The following FAR2 variants were observed in gnomAD, a reference collection of about 807,000 sequenced individuals.
FAR2 encodes the protein fatty acyl-CoA reductase 2.
Under a neutral mutation model 56.0 loss-of-function variants are expected in FAR2, and 19 were observed. The ratio of observed to expected loss-of-function variants is 0.34; its 90% CI spans 0.24 to 0.50. The LOEUF is 0.50. FAR2 is among the 20% of genes least tolerant of loss of function. FAR2 has a pLI of 0.98. For missense variants in FAR2, 508 were observed against 642.2 expected, an observed-to-expected ratio of 0.79 and a Z score of 2.26; for synonymous variants, 219 against 218.8, an observed-to-expected ratio of 1.00 and a Z score of -0.01.
intron 10 of FAR2, among the ~76,000 whole-genome samples, chr12:29,327,583 C>T (rs1949669885): frequency 6.6e-6 from 1 of 152,118 alleles, no homozygotes; most frequent in South Asian, 2.1e-4. Context: ...AGAACAGAGC[C>T]CTCAGAAACA....
chr12:29,319,637 G>A (rs914017257), intron 9 of FAR2, among the ~76,000 whole-genome samples: 1 of 152,062 alleles, frequency 6.6e-6, no homozygotes, highest in African/African-American at 2.4e-5. Flanking sequence ...TATAATGCAG[G>A]GCTTAGGAAC....
intron 1 of FAR2, chr12:29,171,381 C>T (rs1358864761): frequency 6.6e-6 from 1 of 152,524 alleles, no homozygotes; most frequent in East Asian, 1.9e-4. Flanking sequence ...TTTAAAGTGT[C>T]CTTGCATGAG....
intron 1 of FAR2, among the ~76,000 whole-genome samples, chr12:29,185,123 C>A (rs962808861): frequency 5.9e-5 from 9 of 152,228 alleles, no homozygotes; most frequent in African/African-American, 2.2e-4. Flanking sequence ...AGACATAATT[C>A]TCTGCCCTAT....
intron 5 of FAR2, 129 bp downstream of exon 5, chr12:29,307,964 C>A: frequency 9.7e-7 from 1 of 1,027,518 alleles, no homozygotes; most frequent in Non-Finnish European, 1.4e-6. Flanking sequence ...CGAATATGAA[C>A]CCATTATACT....
chr12:29,173,780 G>C (rs7963958), intron 1 of FAR2, among the ~76,000 whole-genome samples: 1 of 152,012 alleles, frequency 6.6e-6, no homozygotes, highest in African/African-American at 2.4e-5. Flanking sequence ...AAGAACCCGC[G>C]ACAGTCCCTA....
intron 3 of FAR2, 189 bp downstream of exon 3, chr12:29,293,664 T>G: frequency 2.3e-6 from 1 of 426,476 alleles, no homozygotes; most frequent in Non-Finnish European, 3.9e-6. Flanking sequence ...CAATTTTTCT[T>G]TATGTATCTA....
chr12:29,165,558 A>C (rs368964127), intron 1 of FAR2, among the ~76,000 whole-genome samples: 8 of 152,234 alleles, frequency 5.3e-5, no homozygotes, highest in African/African-American at 1.7e-4. Context: ...AACCTAAAGA[A>C]TGCTTTGGGT....
chr12:29,331,954 G>A (rs1362949064), intron 10 of FAR2: 1 of 151,366 alleles, frequency 6.6e-6, no homozygotes, highest in African/African-American at 2.4e-5. Flanking sequence ...TTTCTTTATT[G>A]TCACTCTCTG....
Position 29,229,140 on chromosome 12 carries a change from G to A in FAR2, c.-38-41272G>A, listed in dbSNP as rs146897234. Among the ~76,000 whole-genome samples the A allele has an allele frequency of 2.1e-3, 316 of 152,266 alleles. 2 individuals are homozygous for A. The highest frequency in any genetic ancestry group is 7.0e-3 in the African/African-American group (289 of 41,562). On this transcript the variant is annotated intron_variant, in intron 1 of 11. Transcript: ENST00000536681. ...AGCTTCAATTTGCAGTTCACCTGTT[G>A]TTTGATAATTGATATATTTCTGAGT...
intron 1 of FAR2, among the ~76,000 whole-genome samples, chr12:29,264,346 G>T (rs1948475573): frequency 6.6e-6 from 1 of 152,144 alleles, no homozygotes; most frequent in Non-Finnish European, 1.5e-5. Context: ...GGCTGTATAT[G>T]AGACCCACAG....
chr12:29,199,595 G>A (rs1300834428), intron 1 of FAR2, among the ~76,000 whole-genome samples: 18 of 100,066 alleles, frequency 1.8e-4, no homozygotes, highest in African/African-American at 5.6e-4. Context: ...GCGAGACCCC[G>A]TCTCAAAAAA....
intron 1 of FAR2, among the ~76,000 whole-genome samples, chr12:29,174,540 C>T (rs1017152061): frequency 2.7e-5 from 4 of 146,726 alleles, no homozygotes; most frequent in African/African-American, 1.0e-4. Flanking sequence ...CCTGTCTCAG[C>T]CTCCCAAGTA....
chr12:29,253,845 C>T (rs1373892797), intron 1 of FAR2, among the ~76,000 whole-genome samples: 1 of 152,180 alleles, frequency 6.6e-6, no homozygotes, highest in Non-Finnish European at 1.5e-5. Flanking sequence ...ATTGGCTACG[C>T]TTAACATAGT....
chr12:29,295,413 T>G (rs1304876501), intron 3 of FAR2, among the ~76,000 whole-genome samples: 1 of 152,184 alleles, frequency 6.6e-6, no homozygotes, highest in Non-Finnish European at 1.5e-5. Flanking sequence ...CTGTTCTCTT[T>G]GCATATACTT....
rs183687617 is a variant in FAR2 at position 29,208,727 on chromosome 12, A to G, written c.-39+59320A>G. Among the ~76,000 whole-genome samples, 221 of 152,352 alleles carry G rather than the reference A, an allele frequency of 1.5e-3. 1 individual carries two copies. In the South Asian group the frequency reaches 0.021, roughly 15 times the overall value. On this transcript the variant is annotated intron_variant, in intron 1 of 11. Transcript: ENST00000536681. ...ATAAAATATGAGCTAATTAGAGAGTAAATGAATGCTAAAGTGAGAGATGTT... is the reference window on the plus strand; with the variant it reads ...ATAAAATATGAGCTAATTAGAGAGTGAATGAATGCTAAAGTGAGAGATGTT...
chr12:29,212,844 T>TTGA (rs564113169), intron 1 of FAR2, among the ~76,000 whole-genome samples: 384 of 152,376 alleles, frequency 2.5e-3, no homozygotes, highest in African/African-American at 8.8e-3. Context: ...ATTATCCTGC[T>TTGA]ATTAATAGCT....
chr12:29,174,107 G>A (rs1354743641), intron 1 of FAR2, among the ~76,000 whole-genome samples: 1 of 152,194 alleles, frequency 6.6e-6, no homozygotes, highest in Non-Finnish European at 1.5e-5. Flanking sequence ...CCGAGGGAGG[G>A]AAGTGATCTC....
At chr12:29,197,705 G>C (rs1455657610) in intron 1 of FAR2, among the ~76,000 whole-genome samples, 2 of 151,948 alleles carry the variant, frequency 1.3e-5, no homozygotes, top group East Asian at 3.9e-4. Flanking sequence ...ATTATGAAAG[G>C]CAGTTTCTAG....
At chr12:29,315,337 G>T (rs775480929) in intron 8 of FAR2, among the ~76,000 whole-genome samples, 11 of 152,210 alleles carry the variant, frequency 7.2e-5, no homozygotes, top group Non-Finnish European at 1.2e-4. Context: ...GGGGAGGATG[G>T]TAGGAGATAA....
Sources: allele counts gnomAD v4.1 joint callset (sites outside exome capture counted in the v4.1 genomes callset), GRCh38; gene constraint gnomAD v4.1.1; transcripts MANE v1.5; gene names NCBI Gene and HGNC (gene_info 2026-07-23, HGNC 2026-07-21).